The following RASA1 variants were observed in gnomAD, a reference collection of about 807,000 sequenced individuals.
RASA1 encodes RAS p21 protein activator 1, also known as ras GTPase-activating protein 1.
Under a neutral mutation model 132.2 loss-of-function variants are expected in RASA1, and 25 were observed. That is an observed-to-expected ratio of 0.19 (90% CI 0.14 to 0.26). RASA1 has a LOEUF of 0.26. RASA1 is among the 10% of genes least tolerant of loss of function. The pLI is 1.00. For missense variants in RASA1, 964 were observed against 1,299.2 expected, an observed-to-expected ratio of 0.74 and a Z score of 3.97; for synonymous variants, 477 against 449.9, an observed-to-expected ratio of 1.06 and a Z score of -0.76.
At chr5:87,290,160 T>C (rs1414037259) in intron 1 of RASA1, among the ~76,000 whole-genome samples, 1 of 152,196 alleles carries the variant, frequency 6.6e-6, no homozygotes, top group East Asian at 1.9e-4. Flanking sequence ...CCCATTTGTA[T>C]TCCATTTTTA....
At chr5:87,283,982 T>C (rs1483772378) in intron 1 of RASA1, among the ~76,000 whole-genome samples, 2 of 152,188 alleles carry the variant, frequency 1.3e-5, no homozygotes, top group East Asian at 3.8e-4. Flanking sequence ...TACTTCTGTG[T>C]ATGCATTTAT....
chr5:87,356,482 T>A (rs1759659509), intron 9 of RASA1, among the ~76,000 whole-genome samples: 1 of 151,930 alleles, frequency 6.6e-6, no homozygotes, highest in Non-Finnish European at 1.5e-5. Flanking sequence ...CTTGAGCTCC[T>A]GGGCTCAAGC....
intron 1 of RASA1, chr5:87,331,057 A>G (rs1040299146): frequency 1.7e-6 from 2 of 1,180,816 alleles, no homozygotes; most frequent in Non-Finnish European, 2.3e-6. Context: ...TAGTGTTTAT[A>G]TTTTGAATAG....
intron 1 of RASA1, among the ~76,000 whole-genome samples, chr5:87,283,318 A>G (rs1754405375): frequency 6.6e-6 from 1 of 151,986 alleles, no homozygotes; most frequent in Non-Finnish European, 1.5e-5. Flanking sequence ...AAACCTTTCC[A>G]ACATCTAATA....
At chr5:87,301,940 A>G (rs967310309) in intron 1 of RASA1, among the ~76,000 whole-genome samples, 1 of 152,062 alleles carries the variant, frequency 6.6e-6, no homozygotes, top group African/African-American at 2.4e-5. Context: ...ATCCTTTTCT[A>G]CTAGTGATGG....
At chr5:87,388,208 G>A (rs890659756) in intron 23 of RASA1, among the ~76,000 whole-genome samples, 1 of 152,142 alleles carries the variant, frequency 6.6e-6, no homozygotes, top group South Asian at 2.1e-4. Flanking sequence ...GTCTTTCATC[G>A]CTATAAACCT....
intron 23 of RASA1, 191 bp from the exon 24 acceptor site, chr5:87,389,202 G>A: frequency 1.9e-6 from 1 of 538,648 alleles, no homozygotes; most frequent in East Asian, 3.8e-5. Context: ...ATGGTGGCAG[G>A]TGCCTGTAAT....
intron 3 of RASA1, 137 bp from the exon 4 acceptor site, chr5:87,333,130 G>A: frequency 7.5e-7 from 1 of 1,334,422 alleles, no homozygotes; most frequent in South Asian, 1.5e-5. Context: ...GGTATTTATA[G>A]TCCAAGTAAA....
At position 87,268,318 on chromosome 5, in the gene RASA1, C is replaced by G; in HGVS notation, c.-134C>G. The G allele has an allele frequency of 2.7e-6, 3 of 1,120,386 alleles. No individual in the cohort carries two copies. The highest frequency in any genetic ancestry group is 3.7e-6 in the Non-Finnish European group (3 of 818,110). 69.4% of individuals were successfully genotyped at this position (1,120,386 alleles called of 1,614,324 possible). A position where few individuals can be genotyped will look rare whatever the true frequency, so the allele number is the denominator to read the frequency against. ...GAGGGGGCGCGGCGGCGGGCTCTCT[C>G]CTTTTGTTGTTGTTTCCTCAGCCTG... On this transcript the variant is annotated 5_prime_UTR_variant, in exon 1 of 25. Coordinates refer to ENST00000274376, the MANE Select transcript of RASA1 (RefSeq NM_002890.3).
intron 1 of RASA1, among the ~76,000 whole-genome samples, chr5:87,272,952 C>G (rs1753912232): frequency 6.6e-6 from 1 of 152,116 alleles, no homozygotes; most frequent in Non-Finnish European, 1.5e-5. Flanking sequence ...AAATGTTGGA[C>G]TAAATACTGA....
chr5:87,377,158 T>C (rs1753271872), intron 17 of RASA1, 118 bp downstream of exon 17: 1 of 1,337,668 alleles, frequency 7.5e-7, no homozygotes, highest in African/African-American at 1.5e-5. Context: ...AAATAAGTTA[T>C]TCTGTTTTCC....
At chr5:87,345,796 C>G (rs1758819161) in intron 6 of RASA1, among the ~76,000 whole-genome samples, 2 of 152,046 alleles carry the variant, frequency 1.3e-5, no homozygotes, top group African/African-American at 4.8e-5. Flanking sequence ...CTAGCTTGCT[C>G]TTTATTATTA....
At chr5:87,307,326 T>C (rs924123900) in intron 1 of RASA1, among the ~76,000 whole-genome samples, 1 of 152,212 alleles carries the variant, frequency 6.6e-6, no homozygotes, top group Non-Finnish European at 1.5e-5. Context: ...TATGAAACTT[T>C]GCAAATTATT....
chr5:87,284,603 G>T (rs866562956), intron 1 of RASA1, among the ~76,000 whole-genome samples: 5 of 152,196 alleles, frequency 3.3e-5, no homozygotes, highest in African/African-American at 1.2e-4. Context: ...GGTGGTAGAA[G>T]AAATGAAATT....
intron 1 of RASA1, among the ~76,000 whole-genome samples, chr5:87,288,244 T>C (rs1367375688): frequency 6.6e-6 from 1 of 151,268 alleles, no homozygotes; most frequent in Non-Finnish European, 1.5e-5. Context: ...TTTCTTCTGT[T>C]GGGACACGTT....
At chr5:87,384,782 T>C (rs145625325) in intron 21 of RASA1, among the ~76,000 whole-genome samples, 19 of 152,272 alleles carry the variant, frequency 1.2e-4, no homozygotes, top group Admixed American at 5.9e-4. Context: ...CTTTAAAATA[T>C]TTTAAAAGTT....
Position 87,388,561 on chromosome 5 carries a change from G to T in RASA1, c.2926-832G>T, listed in dbSNP as rs192427843. Among the ~76,000 whole-genome samples the T allele has an allele frequency of 2.8e-3, 432 of 152,224 alleles. 1 individual carries two copies. The highest frequency in any genetic ancestry group is 4.1e-3 in the Non-Finnish European group (276 of 68,000). Reference sequence around the variant, plus strand: ...TATTCCAAAATCCGAAACACTTCTGGTCTCAAGCATTTTGGGTGATATTCA... The same window carrying T: ...TATTCCAAAATCCGAAACACTTCTGTTCTCAAGCATTTTGGGTGATATTCA... On this transcript the variant is annotated intron_variant, in intron 23 of 24. Coordinates refer to ENST00000274376, the MANE Select transcript of RASA1 (RefSeq NM_002890.3).
chr5:87,294,997 G>T (rs184601224), intron 1 of RASA1, among the ~76,000 whole-genome samples: 94 of 151,398 alleles, frequency 6.2e-4, no homozygotes, highest in Admixed American at 1.8e-3. Context: ...TGAAGTTCTG[G>T]TTTTTTTTTA....
chr5:87,374,979 C>T (rs1386241634), intron 15 of RASA1, 63 bp downstream of exon 15: 3 of 1,530,044 alleles, frequency 2.0e-6, no homozygotes, highest in Non-Finnish European at 2.6e-6. Context: ...TCAAAATTCA[C>T]AATGAAAGTC....
Sources: gnomAD v4.1 joint callset for allele counts (sites outside exome capture counted in the v4.1 genomes callset) on GRCh38, gnomAD v4.1.1 for gene constraint, MANE v1.5 for transcripts, NCBI Gene and HGNC (gene_info 2026-07-23, HGNC 2026-07-21) for gene names.